GTF3C2: variants seen among roughly 807,000 people sequenced by gnomAD.
GTF3C2 encodes the protein general transcription factor 3C polypeptide 2.
In GTF3C2, 17 loss-of-function variants were observed where a neutral mutation model predicts 117.4. That is an observed-to-expected ratio of 0.14 (90% confidence interval 0.10 to 0.22). GTF3C2 has a LOEUF of 0.22. Among genes scored for constraint, GTF3C2 ranks in the 10% least tolerant of loss-of-function variants. The pLI is 1.00. For synonymous variants in GTF3C2, 437 were observed against 427.0 expected (o/e 1.02, Z -0.29); for missense variants, 888 against 1,143.6 (o/e 0.78, Z 3.22).
intron 1 of GTF3C2, among the ~76,000 whole-genome samples, chr2:27,346,329 C>CATTT (rs1680914600): frequency 8.5e-6 from 1 of 117,396 alleles, no homozygotes. Flanking sequence ...CATTCTGATA[C>CATTT]CTTTTTTTTT....
intron 12 of GTF3C2, among the ~76,000 whole-genome samples, chr2:27,331,687 C>T (rs1417031813): frequency 1.3e-5 from 2 of 152,068 alleles, no homozygotes; most frequent in African/African-American, 4.8e-5. Flanking sequence ...TTTGTAATCC[C>T]AGCACTTTAG....
chr2:27,337,633 G>T, intron 5 of GTF3C2, 75 bp from the exon 6 acceptor site: 2 of 991,178 alleles, frequency 2.0e-6, no homozygotes, highest in Non-Finnish European at 3.2e-6. Flanking sequence ...TTTCTGTGGG[G>T]ATGGAAATGA....
intron 5 of GTF3C2, 26 bp downstream of exon 5, chr2:27,337,900 C>T: frequency 1.4e-6 from 2 of 1,391,322 alleles, no homozygotes; most frequent in Non-Finnish European, 2.0e-6. Context: ...CTTTATTAAC[C>T]CCAGCCCCCT....
Position 27,351,767 on chromosome 2 carries a change from A to G in GTF3C2, c.-25+4972T>C, listed in dbSNP as rs75857548. 3.9e-3 allele frequency among the ~76,000 whole-genome samples: 599 copies of G among 152,310 alleles called. 5 individuals are homozygous for G. The highest frequency in any genetic ancestry group is 0.014 in the African/African-American group (565 of 41,580). ...AAATTTCTCACTTTCCAGGCTCTCA[A>G]GTGGAAGTTGCTCATTCACTCACAT... On this transcript the variant is annotated intron_variant, in intron 1 of 18. Transcript: ENST00000264720.
chr2:27,326,792 C>T (rs774140717), exon 19 of GTF3C2: 1 of 1,613,770 alleles, frequency 6.2e-7, no homozygotes, highest in Non-Finnish European at 8.5e-7. Flanking sequence ...TACGGTGGCC[C>T]AGTGGGGAGG....
rs530502193 is a variant in GTF3C2 at position 27,326,436 on chromosome 2, T to C, written c.*239A>G. 3.5e-4 allele frequency: 206 copies of C among 581,962 alleles called. No homozygotes were observed. The African/African-American group carries it at 3.5e-3, about 10-fold the overall frequency. 36.0% of individuals were successfully genotyped at this position (581,962 alleles called of 1,614,324 possible). ...AGGCCTGAGTGTTTCTCATGAGCCA[T>C]AGTCTTAGGCTGAGGAGCCTTGAGA... On this transcript the variant is annotated 3_prime_UTR_variant, in exon 19 of 19. Transcript: ENST00000264720.
At chr2:27,335,801 TG>T in intron 9 of GTF3C2, 95 bp from the exon 10 acceptor site, 4 of 1,084,158 alleles carry the variant, frequency 3.7e-6, no homozygotes, top group Non-Finnish European at 5.5e-6. Context: ...ATGAAGTTGC[TG>T]GAAAAACTCC....
At chr2:27,332,076 C>A (rs1386229803) in intron 12 of GTF3C2, among the ~76,000 whole-genome samples, 1 of 152,090 alleles carries the variant, frequency 6.6e-6, no homozygotes, top group Non-Finnish European at 1.5e-5. Context: ...AGGAGCTTAG[C>A]CAATATTTCA....
chr2:27,326,353 G>A, exon 19 of GTF3C2: 1 of 478,338 alleles, frequency 2.1e-6, no homozygotes, highest in Non-Finnish European at 3.9e-6. Context: ...ACCTTTACTT[G>A]GCTTTACCCA....
At position 27,326,550 on chromosome 2, in the gene GTF3C2, C is replaced by A. The variant is rs1680078204; in HGVS notation, c.*125G>T. 4 of 691,804 alleles carry A rather than the reference C, an allele frequency of 5.8e-6. No individual in the cohort carries two copies. In the East Asian group the frequency reaches 1.1e-4, roughly 19 times the overall value. 42.9% of individuals were successfully genotyped at this position (691,804 alleles called of 1,614,324 possible). A position where few individuals can be genotyped will look rare whatever the true frequency, so the allele number is the denominator to read the frequency against. ...TGGGATCTAAGGAGTCCTGGGGAGG[C>A]AGGCCTAAAGGTCCAGGCCTGGCAT... is the stretch of plus-strand genomic sequence containing the variant. On this transcript the variant is annotated 3_prime_UTR_variant, in exon 19 of 19. Coordinates refer to ENST00000264720, the Ensembl canonical transcript of GTF3C2.
Position 27,339,042 on chromosome 2 carries a change from A to C in GTF3C2, c.856-1022T>G, listed in dbSNP as rs904300135. Among the ~76,000 whole-genome samples the C allele has an allele frequency of 2.6e-5, 4 of 152,320 alleles. No individual in the cohort carries two copies. The East Asian group carries it at 7.7e-4, about 29-fold the overall frequency. On this transcript the variant is annotated intron_variant, in intron 4 of 18. Coordinates refer to ENST00000264720, the Ensembl canonical transcript of GTF3C2. ...AACCTGACTCAGTCTCAACTTCTCT[A>C]CAAGTTCTAGACAGTGTTGTGGCAA... is the stretch of plus-strand genomic sequence containing the variant.
intron 1 of GTF3C2, among the ~76,000 whole-genome samples, chr2:27,350,796 A>G (rs1007598886): frequency 2.6e-5 from 4 of 152,026 alleles, no homozygotes; most frequent in African/African-American, 4.8e-5. Flanking sequence ...AAAAAATACA[A>G]AAATTAGCCA....
intron 4 of GTF3C2, 151 bp downstream of exon 4, chr2:27,341,797 T>C: frequency 1.6e-6 from 1 of 631,890 alleles, no homozygotes; most frequent in Non-Finnish European, 2.8e-6. Context: ...CTCCCTAATA[T>C]GCCAAATGTT....
chr2:27,341,758 CTT>C (rs1271036324), intron 4 of GTF3C2, 188 bp downstream of exon 4: 9 of 584,442 alleles, frequency 1.5e-5, no homozygotes, highest in Non-Finnish European at 2.7e-5. Context: ...AATGAATAAT[CTT>C]GTTTACCATA....
chr2:27,333,315 C>T (rs1680344011), intron 12 of GTF3C2, among the ~76,000 whole-genome samples: 1 of 151,870 alleles, frequency 6.6e-6, no homozygotes, highest in South Asian at 2.1e-4. Flanking sequence ...CCATCCTGAG[C>T]TAATTTTTTG....
intron 12 of GTF3C2, among the ~76,000 whole-genome samples, chr2:27,332,874 C>G (rs970360944): frequency 6.6e-6 from 1 of 151,780 alleles, no homozygotes; most frequent in Admixed American, 6.6e-5. Context: ...ATCTATGACA[C>G]CCAGCTAATT....
At chr2:27,341,926 C>T (rs1680748084) in intron 4 of GTF3C2, 22 bp downstream of exon 4, 2 of 1,603,382 alleles carry the variant, frequency 1.2e-6, no homozygotes, top group Non-Finnish European at 1.7e-6. Context: ...TCCCCATTCA[C>T]TTTCTTGTCC....
At chr2:27,347,026 A>C (rs1230678014) in intron 1 of GTF3C2, among the ~76,000 whole-genome samples, 5 of 152,158 alleles carry the variant, frequency 3.3e-5, no homozygotes, top group Non-Finnish European at 5.9e-5. Flanking sequence ...AGAATTGACT[A>C]AATTGTCATG....
At chr2:27,331,877 C>A (rs1475488662) in intron 12 of GTF3C2, among the ~76,000 whole-genome samples, 7 of 151,988 alleles carry the variant, frequency 4.6e-5, no homozygotes, top group African/African-American at 1.7e-4. Context: ...AAGTCCAGGA[C>A]GCAGTGAGCC....
Sources: gnomAD v4.1 joint callset for allele counts (sites outside exome capture counted in the v4.1 genomes callset) on GRCh38, gnomAD v4.1.1 for gene constraint, MANE v1.5 for transcripts, NCBI Gene and HGNC (gene_info 2026-07-23, HGNC 2026-07-21) for gene names.